CAMK2A: variants seen among roughly 807,000 people sequenced by gnomAD.
CAMK2A encodes calcium/calmodulin dependent protein kinase II alpha, also known as calcium/calmodulin-dependent protein kinase type II subunit alpha.
In CAMK2A, 7 loss-of-function variants were observed where a neutral mutation model predicts 79.2. The observed-to-expected ratio is 0.09, with a 90% confidence interval of 0.05 to 0.17. The LOEUF (loss-of-function observed/expected upper bound fraction) is 0.17. CAMK2A is among the 10% of genes least tolerant of loss of function. CAMK2A has a pLI of 1.00. For missense variants in CAMK2A, 214 were observed against 646.4 expected (o/e 0.33, Z 7.25); for synonymous variants, 242 against 251.7 (o/e 0.96, Z 0.36).
At chr5:150,255,756 G>A (rs144203596) in intron 6 of CAMK2A, among the ~76,000 whole-genome samples, 4 of 152,242 alleles carry the variant, frequency 2.6e-5, no homozygotes, top group Non-Finnish European at 4.4e-5. Context: ...GCTGGATAGA[G>A]TGACCTTTTG....
At chr5:150,277,008 T>G (rs1374343607) in intron 1 of CAMK2A, among the ~76,000 whole-genome samples, 1 of 151,950 alleles carries the variant, frequency 6.6e-6, no homozygotes, top group Non-Finnish European at 1.5e-5. Flanking sequence ...GGTGGGAGAA[T>G]CTCTTGAGCC....
chr5:150,251,929 C>G, intron 8 of CAMK2A, 53 bp downstream of exon 8: 1 of 1,583,712 alleles, frequency 6.3e-7, no homozygotes, highest in South Asian at 1.1e-5. Flanking sequence ...GAGAGGGGGC[C>G]CCAGAGGCCG....
At chr5:150,270,254 G>T (rs150180535) in intron 2 of CAMK2A, among the ~76,000 whole-genome samples, 2 of 152,226 alleles carry the variant, frequency 1.3e-5, no homozygotes, top group African/African-American at 4.8e-5. Flanking sequence ...CCAACTTCAT[G>T]GGTGGAACTC....
At chr5:150,234,357 G>A (rs980578949) in intron 15 of CAMK2A, among the ~76,000 whole-genome samples, 3 of 152,162 alleles carry the variant, frequency 2.0e-5, no homozygotes, top group Non-Finnish European at 4.4e-5. Flanking sequence ...AAAGTCCCTG[G>A]CTTTGGATTC....
rs1755795513 is a variant in CAMK2A at position 150,250,721 on chromosome 5, T to A, written c.783A>T (p.Thr261=). 1 of 1,614,038 alleles carries A rather than the reference T, an allele frequency of 6.2e-7. No homozygotes were observed. The change falls in exon 10 of 19, where the codon ACA becomes ACT. Residue 261 remains threonine, a synonymous_variant. Coordinates refer to ENST00000671881, the MANE Select transcript of CAMK2A (RefSeq NM_015981.4). The part of the protein sequence containing the change: ...MLTINPSKRI[T]AAEALKHPWI... ...AGGGGTGCTTAAGGGCTTCGGCAGC[T>A]GTGATGCGTTTGGATGGGTTAATGG...
At chr5:150,281,369 G>T (rs1183414493) in intron 1 of CAMK2A, among the ~76,000 whole-genome samples, 4 of 152,236 alleles carry the variant, frequency 2.6e-5, no homozygotes, top group Non-Finnish European at 5.9e-5. Flanking sequence ...CACCCAGGAC[G>T]TGGAACCCAG....
chr5:150,263,434 A>C (rs977120887), intron 3 of CAMK2A, among the ~76,000 whole-genome samples: 3 of 151,850 alleles, frequency 2.0e-5, no homozygotes, highest in Admixed American at 6.6e-5. Context: ...ACATTCACAC[A>C]CACATTCACA....
intron 2 of CAMK2A, chr5:150,265,398 G>T: frequency 5.3e-6 from 1 of 189,286 alleles, no homozygotes; most frequent in South Asian, 1.2e-4. Flanking sequence ...AATTGCACAT[G>T]CGGTTCTCTC....
intron 1 of CAMK2A, among the ~76,000 whole-genome samples, chr5:150,280,205 G>A (rs1757149381): frequency 6.6e-6 from 1 of 152,142 alleles, no homozygotes; most frequent in Non-Finnish European, 1.5e-5. Flanking sequence ...TCAGAGCCAC[G>A]TTACATCTGT....
chr5:150,231,120 G>A (rs145861478), intron 16 of CAMK2A, among the ~76,000 whole-genome samples, 185 bp downstream of exon 16: 36 of 152,234 alleles, frequency 2.4e-4, no homozygotes, highest in Admixed American at 3.9e-4. Context: ...GAGCAGTGTC[G>A]CGAACAGAAA....
At chr5:150,288,659 G>A (rs993689381) in intron 1 of CAMK2A, among the ~76,000 whole-genome samples, 2 of 152,044 alleles carry the variant, frequency 1.3e-5, no homozygotes, top group African/African-American at 4.8e-5. Context: ...GTGCTCCTTT[G>A]CCCACAAGGC....
rs1754325365 is a variant in CAMK2A at position 150,221,858 on chromosome 5, A to G, written c.*852T>C. On this transcript the variant is annotated 3_prime_UTR_variant, in exon 19 of 19. Coordinates refer to ENST00000671881, the MANE Select transcript of CAMK2A (RefSeq NM_015981.4). ...ATAATCTGAGAAGTCTAGTTATTAC[A>G]TAAATATCCATTAACGCGAAATCCA... 2.7e-6 allele frequency: 1 copy of G among 370,072 alleles called. No individual in the cohort carries two copies. The highest frequency in any genetic ancestry group is 4.5e-5 in the Admixed American group (1 of 22,124). The allele number at this position is 370,072 out of a possible 1,614,324, so 22.9% of individuals were successfully genotyped here.
Position 150,264,979 on chromosome 5 carries a change from C to T in CAMK2A, c.194G>A (p.Arg65His), listed in dbSNP as rs1195589386. Residue 65 changes from arginine to histidine, a missense_variant, in exon 3 of 19, where the codon CGC (arginine) becomes CAC (histidine). Physicochemically the swap from Arg to His is conservative, Grantham distance 29 (BLOSUM62 0). This residue lies in a region of CAMK2A where 72 missense variants were observed against 333.9 expected (regional missense o/e 0.22). Coordinates refer to ENST00000671881, the MANE Select transcript of CAMK2A (RefSeq NM_015981.4). ...ACCGATGTTGGGGTGCTTCAGCAGGCGGCAGATGCGGGCTTCACGCTCCAG... is the reference window on the plus strand; with the variant it reads ...ACCGATGTTGGGGTGCTTCAGCAGGTGGCAGATGCGGGCTTCACGCTCCAG... ...QKLEREARIC[R>H]LLKHPNIVRL... is the part of the protein sequence containing the mutation. The T allele has an allele frequency of 2.5e-6, 4 of 1,613,868 alleles. No individual in the cohort carries two copies. The highest frequency in any genetic ancestry group is 1.3e-5 in the African/African-American group (1 of 74,904).
At chr5:150,267,057 C>G (rs1373127867) in intron 2 of CAMK2A, among the ~76,000 whole-genome samples, 3 of 152,204 alleles carry the variant, frequency 2.0e-5, no homozygotes, top group African/African-American at 7.2e-5. Context: ...TGGCTCAACT[C>G]CCCAGCTGAA....
intron 3 of CAMK2A, among the ~76,000 whole-genome samples, chr5:150,263,446 ACT>A (rs1383448528): frequency 3.3e-5 from 5 of 151,450 alleles, no homozygotes; most frequent in East Asian, 1.9e-4. Context: ...ACATTCACAC[ACT>A]CACACACGTG....
intron 6 of CAMK2A, among the ~76,000 whole-genome samples, chr5:150,254,150 A>G (rs1407924472): frequency 6.6e-6 from 1 of 151,908 alleles, no homozygotes; most frequent in Non-Finnish European, 1.5e-5. Context: ...AGGCCATCCA[A>G]GTTTACTCTA....
In CAMK2A at chr5:150,253,538, A is replaced by G; in HGVS notation, c.420T>C (p.Asn140=). The part of the protein sequence containing the change: ...GVVHRDLKPE[N]LLLASKLKGA... ...CCTTGAGCTTGGAGGCCAGCAACAG[A>G]TTCTCAGGCTTGTCAGGACCAGAGA... Residue 140 remains asparagine (N), a synonymous_variant, in exon 7 of 19, where the codon AAT becomes AAC. Coordinates refer to ENST00000671881, the MANE Select transcript of CAMK2A (RefSeq NM_015981.4). 1 of 1,614,030 alleles carries G rather than the reference A, an allele frequency of 6.2e-7. No individual in the cohort carries two copies. Among genetic ancestry groups the G allele is most frequent in the Non-Finnish European group, 8.5e-7 (1 of 1,179,894 alleles).
At chr5:150,273,181 A>G (rs1756821299) in intron 1 of CAMK2A, 22 bp from the exon 2 acceptor site, 2 of 1,584,398 alleles carry the variant, frequency 1.3e-6, no homozygotes, top group Non-Finnish European at 1.7e-6. Flanking sequence ...GAGAAGGTGG[A>G]GAGGGTGAGG....
chr5:150,257,681 C>T (rs77703580), intron 3 of CAMK2A, 64 bp from the exon 4 acceptor site: 5 of 1,290,564 alleles, frequency 3.9e-6, no homozygotes, highest in South Asian at 1.3e-5. Flanking sequence ...CGCCCTCCCT[C>T]TCTCCCCTCC....
Sources: allele counts gnomAD v4.1 joint callset (sites outside exome capture counted in the v4.1 genomes callset), GRCh38; gene constraint gnomAD v4.1.1; regional missense constraint gnomAD v4.1.1; transcripts MANE v1.5; gene names NCBI Gene and HGNC (gene_info 2026-07-23, HGNC 2026-07-21).